The following HTR2C variants were observed in gnomAD, a reference collection of about 807,000 sequenced individuals.
The protein encoded by HTR2C is 5-hydroxytryptamine receptor 2C.
HTR2C carries 5 observed loss-of-function variants against 21.0 expected under a neutral mutation model. The observed-to-expected ratio is 0.24, with a 90% CI of 0.12 to 0.50. The LOEUF (loss-of-function observed/expected upper bound fraction) is 0.50. HTR2C is among the 20% of genes least tolerant of loss of function. The pLI is 0.98. For missense variants in HTR2C, 271 were observed against 371.2 expected (o/e 0.73, Z 2.22); for synonymous variants, 150 against 145.3 (o/e 1.03, Z -0.23).
At chrX:114,685,587 C>T (rs1345085723) in intron 2 of HTR2C, among the ~76,000 whole-genome samples, 2 of 111,703 alleles carry the variant, frequency 1.8e-5, no homozygotes, top group African/African-American at 6.5e-5. Context: ...TAGACAGTAA[C>T]CCGCCACCAG....
chrX:114,806,987 CACAT>C (rs1294559322), intron 4 of HTR2C, among the ~76,000 whole-genome samples: 7 of 95,696 alleles, frequency 7.3e-5, no homozygotes, highest in Admixed American at 1.2e-4. Context: ...ATATATATAC[CACAT>C]ATATATACCA....
intron 5 of HTR2C, among the ~76,000 whole-genome samples, chrX:114,876,422 C>CTTTTTTTTTTTTTTTTTTTTTTCTTTTT (rs60498146): frequency 1.6e-5 from 1 of 62,397 alleles, no homozygotes; most frequent in African/African-American, 6.1e-5. Flanking sequence ...CTTTTTCTTT[C>CTTTTTTTTTTTTTTTTTTTTTTCTTTTT]TTTTTTTTTT....
intron 4 of HTR2C, among the ~76,000 whole-genome samples, chrX:114,750,131 G>A (rs1376329456): frequency 2.7e-5 from 3 of 110,905 alleles, no homozygotes; most frequent in South Asian, 3.8e-4. Flanking sequence ...TAACTTAAAC[G>A]GTACCTTCAG....
intron 5 of HTR2C, among the ~76,000 whole-genome samples, chrX:114,882,734 T>C (rs782746724): frequency 2.7e-5 from 3 of 110,169 alleles, no homozygotes; most frequent in Non-Finnish European, 5.7e-5. Context: ...TTCAGTGTAC[T>C]AGTGTTCTGG....
chrX:114,728,521 A>G (rs1230810630), intron 3 of HTR2C, among the ~76,000 whole-genome samples: 1 of 111,475 alleles, frequency 9.0e-6, no homozygotes, highest in East Asian at 2.8e-4. Flanking sequence ...TGCTCAATAA[A>G]AATTTATTAA....
intron 4 of HTR2C, among the ~76,000 whole-genome samples, chrX:114,755,441 C>A (rs1386847940): frequency 9.1e-6 from 1 of 110,008 alleles, no homozygotes; most frequent in Non-Finnish European, 1.9e-5. Flanking sequence ...CCACATCACT[C>A]CCTTCTCTGC....
rs1205680419 is a variant in HTR2C, at chrX:114,662,172, G to C, written c.-80+48291G>C. Among the ~76,000 whole-genome samples, 6 of 111,490 alleles carry C rather than the reference G, an allele frequency of 5.4e-5. No individual in the cohort carries two copies. In the Admixed American group the frequency reaches 5.7e-4, roughly 11 times the overall value. ...CTTTTTTAAATAACCAATCGCTTAAGTACTTCATGTAATACTTCTTAATTT... is the reference window on the plus strand; with the variant it reads ...CTTTTTTAAATAACCAATCGCTTAACTACTTCATGTAATACTTCTTAATTT... On this transcript the variant is annotated intron_variant, in intron 2 of 5. Coordinates refer to ENST00000276198, the MANE Select transcript of HTR2C (RefSeq NM_000868.4).
In HTR2C at chrX:114,644,367, ATATATATATATATAT is replaced by A. The variant is rs1930271553; in HGVS notation, c.-80+30487_-80+30501del. Among the ~76,000 whole-genome samples the A allele has an allele frequency of 8.1e-3, 391 of 48,412 alleles. 12 individuals are homozygous for A. The highest frequency in any genetic ancestry group is 0.012 in the South Asian group (9 of 753). The allele number at this position is 48,412 out of a possible 115,157, so 42.0% of individuals were successfully genotyped here. A position where few individuals can be genotyped will look rare whatever the true frequency, so the allele number is the denominator to read the frequency against. ...CTAAAATAAATAAATAAATAAATATATATATATATATATATATATATATATATATATATATATATA... is the reference window on the plus strand; with the variant it reads ...CTAAAATAAATAAATAAATAAATATAATATATATATATATATATATATATA... On this transcript the variant is annotated intron_variant, in intron 2 of 5. Transcript: ENST00000276198.
chrX:114,791,868 A>G (rs782703475), intron 4 of HTR2C, among the ~76,000 whole-genome samples: 12 of 111,715 alleles, frequency 1.1e-4, no homozygotes, highest in Admixed American at 9.6e-5. Flanking sequence ...TGAGTTTACT[A>G]GTCCGTATTT....
intron 5 of HTR2C, among the ~76,000 whole-genome samples, chrX:114,880,357 T>C (rs1262396271): frequency 3.6e-5 from 4 of 110,793 alleles, no homozygotes; most frequent in African/African-American, 1.3e-4. Flanking sequence ...TTTTCCTGTA[T>C]TGTAGCATTT....
chrX:114,758,835 AC>A (rs1357124858), intron 4 of HTR2C, among the ~76,000 whole-genome samples: 4 of 111,728 alleles, frequency 3.6e-5, no homozygotes, highest in African/African-American at 3.3e-5. Context: ...AAATTCCATC[AC>A]AATGTGCAAA....
chrX:114,781,229 G>A (rs1294666514), intron 4 of HTR2C, among the ~76,000 whole-genome samples: 1 of 111,386 alleles, frequency 9.0e-6, no homozygotes, highest in Non-Finnish European at 1.9e-5. Flanking sequence ...GCTCATACTT[G>A]TATTCTCAGC....
At chrX:114,657,212 G>A (rs1447682519) in intron 2 of HTR2C, among the ~76,000 whole-genome samples, 1 of 110,420 alleles carries the variant, frequency 9.1e-6, no homozygotes, top group Non-Finnish European at 1.9e-5. Context: ...TCCATAACCC[G>A]ATTGCTCTTT....
chrX:114,840,647 A>C (rs1168201010), intron 4 of HTR2C, among the ~76,000 whole-genome samples: 1 of 111,754 alleles, frequency 8.9e-6, no homozygotes. Flanking sequence ...AATTTGGTGA[A>C]AGCCGTAAGT....
intron 5 of HTR2C, among the ~76,000 whole-genome samples, chrX:114,851,959 T>G (rs2070921268): frequency 9.0e-6 from 1 of 111,196 alleles, no homozygotes; most frequent in South Asian, 3.8e-4. Context: ...TTTTCCTCAT[T>G]TTTCTCACAG....
intron 4 of HTR2C, among the ~76,000 whole-genome samples, chrX:114,744,963 T>C (rs1329058147): frequency 8.9e-6 from 1 of 111,824 alleles, no homozygotes; most frequent in African/African-American, 3.3e-5. Context: ...CTCCCAAAGA[T>C]TGCATATGAA....
At chrX:114,856,758 TTAAG>T (rs1400426624) in intron 5 of HTR2C, among the ~76,000 whole-genome samples, 1 of 111,477 alleles carries the variant, frequency 9.0e-6, no homozygotes, top group Non-Finnish European at 1.9e-5. Flanking sequence ...AAGTATATTC[TTAAG>T]TAATAGTGGC....
intron 4 of HTR2C, among the ~76,000 whole-genome samples, chrX:114,779,484 A>G (rs1556440028): frequency 9.0e-6 from 1 of 111,333 alleles, no homozygotes; most frequent in African/African-American, 3.3e-5. Context: ...GTTGGTGCAA[A>G]AGTCATTGCA....
chrX:114,718,200 A>AT (rs1322292641), intron 2 of HTR2C, among the ~76,000 whole-genome samples: 1 of 108,043 alleles, frequency 9.3e-6, no homozygotes, highest in Non-Finnish European at 1.9e-5. Context: ...CATGGGGCTG[A>AT]TTTTTTTTGC....
Sources: gnomAD v4.1 joint callset for allele counts (sites outside exome capture counted in the v4.1 genomes callset) on GRCh38, gnomAD v4.1.1 for gene constraint, MANE v1.5 for transcripts, NCBI Gene and HGNC (gene_info 2026-07-23, HGNC 2026-07-21) for gene names.